HTR1F: variants seen among roughly 807,000 people sequenced by gnomAD.
HTR1F encodes the protein 5-hydroxytryptamine (serotonin) receptor 1F, G protein-coupled.
HTR1F carries 17 observed loss-of-function variants against 24.0 expected under a neutral mutation model. That is an observed-to-expected ratio of 0.71 (90% CI 0.48 to 1.06). The LOEUF (loss-of-function observed/expected upper bound fraction) is 1.06, where lower values mean the gene tolerates loss of function less well. Among genes scored for constraint, HTR1F ranks in the 50% least tolerant of loss-of-function variants. The pLI is 0.00. For synonymous variants in HTR1F, 186 were observed against 156.8 expected (o/e 1.19, Z -1.39); for missense variants, 391 against 427.8 (o/e 0.91, Z 0.76).
intron 2 of HTR1F, among the ~76,000 whole-genome samples, chr3:87,872,778 T>C (rs533832512): frequency 6.6e-6 from 1 of 152,112 alleles, no homozygotes; most frequent in South Asian, 2.1e-4. Context: ...CCTATGATTA[T>C]TAAGATTAAA....
At chr3:87,925,781 T>C (rs1409107027) in intron 2 of HTR1F, among the ~76,000 whole-genome samples, 2 of 152,142 alleles carry the variant, frequency 1.3e-5, no homozygotes, top group African/African-American at 2.4e-5. Flanking sequence ...GTAGTGGTAA[T>C]GGACACTGCT....
intron 2 of HTR1F, among the ~76,000 whole-genome samples, chr3:87,942,746 T>TCC (rs1704601129): frequency 6.6e-6 from 1 of 150,962 alleles, no homozygotes; most frequent in African/African-American, 2.5e-5. Context: ...GGCCTTTTTT[T>TCC]TTTTTATCCT....
chr3:87,967,892 T>C (rs1310749680), intron 2 of HTR1F, among the ~76,000 whole-genome samples: 1 of 152,204 alleles, frequency 6.6e-6, no homozygotes, highest in African/African-American at 2.4e-5. Context: ...TAAAGATACC[T>C]GAAAATGTGG....
intron 2 of HTR1F, among the ~76,000 whole-genome samples, chr3:87,929,143 G>T (rs774826381): frequency 6.6e-6 from 1 of 152,158 alleles, no homozygotes; most frequent in Non-Finnish European, 1.5e-5. Flanking sequence ...AATTTCAACA[G>T]TTAAGATGTT....
At chr3:87,961,641 G>T (rs1705062449) in intron 2 of HTR1F, among the ~76,000 whole-genome samples, 1 of 151,796 alleles carries the variant, frequency 6.6e-6, no homozygotes. Flanking sequence ...AAATTTTTTT[G>T]AACTTTAATG....
At chr3:87,909,618 C>T (rs1337539935) in intron 2 of HTR1F, among the ~76,000 whole-genome samples, 1 of 151,912 alleles carries the variant, frequency 6.6e-6, no homozygotes, top group East Asian at 1.9e-4. Context: ...AGTTCAGCTG[C>T]ATAAAACAGA....
chr3:87,872,202 G>C (rs1705573633), intron 2 of HTR1F, among the ~76,000 whole-genome samples: 1 of 152,040 alleles, frequency 6.6e-6, no homozygotes, highest in Non-Finnish European at 1.5e-5. Context: ...ATGCTATTTT[G>C]AGACAAATGA....
chr3:87,969,225 G>A (rs1340510390), intron 2 of HTR1F, among the ~76,000 whole-genome samples: 1 of 152,236 alleles, frequency 6.6e-6, no homozygotes, highest in African/African-American at 2.4e-5. Context: ...TAGTGGAGCT[G>A]TGAAAAGAGC....
chr3:87,885,995 C>A (rs914078415), intron 2 of HTR1F, among the ~76,000 whole-genome samples: 3 of 152,138 alleles, frequency 2.0e-5, no homozygotes, highest in African/African-American at 7.2e-5. Flanking sequence ...TTTTATGAGG[C>A]CAGCATCATC....
At chr3:87,847,194 A>C (rs1483705723) in intron 2 of HTR1F, among the ~76,000 whole-genome samples, 1 of 151,828 alleles carries the variant, frequency 6.6e-6, no homozygotes, top group Non-Finnish European at 1.5e-5. Flanking sequence ...TAGCCTTCCA[A>C]ATTAGCAAAG....
At chr3:87,981,800 G>A (rs1705549543) in intron 2 of HTR1F, among the ~76,000 whole-genome samples, 1 of 152,164 alleles carries the variant, frequency 6.6e-6, no homozygotes, top group Non-Finnish European at 1.5e-5. Flanking sequence ...CTCTAAGATT[G>A]TCATTGTTGC....
At chr3:87,806,830 G>C (rs1602152) in intron 1 of HTR1F, among the ~76,000 whole-genome samples, 2 of 151,692 alleles carry the variant, frequency 1.3e-5, no homozygotes, top group Admixed American at 1.3e-4. Flanking sequence ...ATGGTGAGAG[G>C]TATGAATTTA....
intron 2 of HTR1F, among the ~76,000 whole-genome samples, chr3:87,824,775 C>T (rs952709968): frequency 2.6e-5 from 4 of 152,118 alleles, no homozygotes; most frequent in African/African-American, 9.7e-5. Flanking sequence ...TTACTTTTGA[C>T]TTCAAAGAGT....
At chr3:87,925,106 A>T (rs1704093765) in intron 2 of HTR1F, among the ~76,000 whole-genome samples, 1 of 151,400 alleles carries the variant, frequency 6.6e-6, no homozygotes, top group Admixed American at 6.6e-5. Flanking sequence ...AATCAACATC[A>T]GTGGTAACTG....
intron 2 of HTR1F, among the ~76,000 whole-genome samples, chr3:87,909,778 A>G (rs910954519): frequency 2.0e-5 from 3 of 151,920 alleles, no homozygotes; most frequent in Admixed American, 6.6e-5. Flanking sequence ...TCCATTCACG[A>G]CTTTATTTTC....
At chr3:87,947,098 T>C (rs1231411278) in intron 2 of HTR1F, among the ~76,000 whole-genome samples, 3 of 152,260 alleles carry the variant, frequency 2.0e-5, no homozygotes, top group South Asian at 2.1e-4. Context: ...ATGAGTATCT[T>C]TGAATTCTTA....
chr3:87,914,573 TC>T (rs34631364), intron 2 of HTR1F, among the ~76,000 whole-genome samples: 4 of 151,772 alleles, frequency 2.6e-5, no homozygotes, highest in Admixed American at 6.6e-5. Flanking sequence ...CTGCCAGCTT[TC>T]CCCCCACTTC....
intron 2 of HTR1F, among the ~76,000 whole-genome samples, chr3:87,841,263 T>G (rs1400155211): frequency 2.6e-5 from 4 of 151,846 alleles, no homozygotes; most frequent in Non-Finnish European, 4.4e-5. Context: ...ATTTGTCAAT[T>G]AAAAATAAAA....
At chr3:87,874,039 A>G (rs1191728491) in intron 2 of HTR1F, among the ~76,000 whole-genome samples, 1 of 152,150 alleles carries the variant, frequency 6.6e-6, no homozygotes, top group Non-Finnish European at 1.5e-5. Flanking sequence ...ATGAAAACAT[A>G]AAACCTTTTC....
Sources: allele counts gnomAD v4.1 joint callset (sites outside exome capture counted in the v4.1 genomes callset), GRCh38; gene constraint gnomAD v4.1.1; transcripts MANE v1.5; gene names NCBI Gene and HGNC (gene_info 2026-07-23, HGNC 2026-07-21).